The following GRK1 variants were observed in gnomAD, a reference collection of about 807,000 sequenced individuals.
GRK1 encodes the protein rhodopsin kinase GRK1.
In GRK1, 28 loss-of-function variants were observed where a neutral mutation model predicts 41.7. The ratio of observed to expected loss-of-function variants is 0.67; its 90% CI spans 0.50 to 0.92. The LOEUF is 0.92. GRK1 is among the 40% of genes least tolerant of loss of function. The pLI is 0.00. For missense variants in GRK1, 703 were observed against 671.2 expected (o/e 1.05, Z -0.52); for synonymous variants, 327 against 286.7 (o/e 1.14, Z -1.42).
Position 113,731,730 on chromosome 13 carries a change from G to A in GRK1, c.1194+387G>A, listed in dbSNP as rs1012139068. On this transcript the variant is annotated intron_variant, in intron 5 of 6. Coordinates refer to ENST00000335678, the MANE Select transcript of GRK1 (RefSeq NM_002929.3). The surrounding 1 kb of genome is among the most constrained non-coding windows in gnomAD (Gnocchi z 5.6). Reference sequence around the variant, plus strand: ...CTGTTGCCCCAGACCCTGGGCAGTGGGACAAACCACCTTTTGTGGTTTGGG... The same window carrying A: ...CTGTTGCCCCAGACCCTGGGCAGTGAGACAAACCACCTTTTGTGGTTTGGG... 8.5e-5 allele frequency among the ~76,000 whole-genome samples: 13 copies of A among 152,156 alleles called. No individual in the cohort carries two copies. Among genetic ancestry groups the A allele is most frequent in the Admixed American group, 5.9e-4 (9 of 15,286 alleles).
At position 113,735,277 on chromosome 13, in the gene GRK1, TCGGA is replaced by T. The variant is rs756235051; in HGVS notation, c.1610_1613del (p.Asp537ValfsTer7). The T allele has an allele frequency of 3.5e-4, 534 of 1,536,372 alleles. 1 individual carries two copies. Among genetic ancestry groups the T allele is most frequent in the South Asian group, 1.4e-3 (119 of 84,042 alleles). ...CTTTGGCGAGCTGAACGTGTGGCGCTCGGACGGTCAGATGCCGGACGACATGAAG... is the reference window on the plus strand; with the variant it reads ...CTTTGGCGAGCTGAACGTGTGGCGCTCGGTCAGATGCCGGACGACATGAAG... On this transcript the variant is annotated frameshift_variant, in exon 7 of 7. Coordinates refer to ENST00000335678, the MANE Select transcript of GRK1 (RefSeq NM_002929.3). LOFTEE classifies it low-confidence loss of function (END_TRUNC).
chr13:113,648,668 T>A, the GRK1 span: 1 of 152,238 alleles, frequency 6.6e-6, no homozygotes, highest in Non-Finnish European at 1.5e-5. Context: ...TAACTGGGTT[T>A]TAAACCATCA....
Position 113,731,108 on chromosome 13 carries a change from G to C in GRK1, c.1070-111G>C, listed in dbSNP as rs2049933422. 2 of 1,433,768 alleles carry C rather than the reference G, an allele frequency of 1.4e-6. No homozygotes were observed. Among genetic ancestry groups the C allele is most frequent in the Non-Finnish European group, 1.9e-6 (2 of 1,079,004 alleles). 88.8% of individuals were successfully genotyped at this position (1,433,768 alleles called of 1,614,324 possible). On this transcript the variant is annotated intron_variant, in intron 4 of 6. Coordinates refer to ENST00000335678, the MANE Select transcript of GRK1 (RefSeq NM_002929.3). This position sits in a 1 kb window ranked among gnomAD's most constrained non-coding sequence, Gnocchi z 5.6. Reference sequence around the variant, plus strand: ...TTTTCTGGCCCCAAATGTGGAGAGTGCTGAGGCCCCGGGGGGGATGCATCC... The same window carrying C: ...TTTTCTGGCCCCAAATGTGGAGAGTCCTGAGGCCCCGGGGGGGATGCATCC...
In GRK1 at chr13:113,734,857, C is replaced by T. The variant is rs533547152; in HGVS notation, c.1397-211C>T. 6.2e-5 allele frequency: 27 copies of T among 434,746 alleles called. No homozygotes were observed. The South Asian group carries it at 1.8e-3, about 29-fold the overall frequency. 26.9% of individuals were successfully genotyped at this position (434,746 alleles called of 1,614,324 possible). A position where few individuals can be genotyped will look rare whatever the true frequency, so the allele number is the denominator to read the frequency against. On this transcript the variant is annotated intron_variant, in intron 6 of 6. Coordinates refer to ENST00000335678, the MANE Select transcript of GRK1 (RefSeq NM_002929.3). The stretch of plus-strand genomic sequence containing the variant: ...TGGGATCTCAGGCTTCTTCCGGCCC[C>T]ACTCAAGCCCCAGCTGTGTGGTCTC...
the GRK1 span, chr13:113,651,840 C>T: frequency 7.6e-7 from 1 of 1,315,106 alleles, no homozygotes; most frequent in East Asian, 2.6e-5. Flanking sequence ...GCTTTCTGAC[C>T]AGGACTGAGA....
At chr13:113,657,940 G>A in the GRK1 span, 6 of 1,045,040 alleles carry the variant, frequency 5.7e-6, no homozygotes, top group African/African-American at 1.6e-5. Context: ...ACTGTCAGGG[G>A]CCCTCTGCTC....
At chr13:113,733,728 C>CGTGTGTGT (rs1566699805) in intron 6 of GRK1, among the ~76,000 whole-genome samples, 3 of 85,348 alleles carry the variant, frequency 3.5e-5, no homozygotes, top group African/African-American at 1.5e-4. Flanking sequence ...TGTGTGTGCG[C>CGTGTGTGT]GCGTGTGTAT....
rs565706045 is a variant in GRK1, at chr13:113,734,048, A to G, written c.1396+963A>G. Among the ~76,000 whole-genome samples, 19 of 137,170 alleles carry G rather than the reference A, an allele frequency of 1.4e-4. No homozygotes were observed. The South Asian group carries it at 1.6e-3, about 11-fold the overall frequency. 90.0% of individuals were successfully genotyped at this position (137,170 alleles called of 152,430 possible). On this transcript the variant is annotated intron_variant, in intron 6 of 6. Coordinates refer to ENST00000335678, the MANE Select transcript of GRK1 (RefSeq NM_002929.3). ...CGTGCGTGTGCGTATGTGTGTGTGC[A>G]TACGTGTGTGTGCATGTGTGTGCGT...
intron 3 of GRK1, among the ~76,000 whole-genome samples, chr13:113,672,142 ACT>A (rs1235546034): frequency 6.6e-6 from 1 of 151,798 alleles, no homozygotes; most frequent in Non-Finnish European, 1.5e-5. Flanking sequence ...CCAGGGAGCC[ACT>A]GTCAGTGTGC....
upstream of GRK1, among the ~76,000 whole-genome samples, chr13:113,666,802 A>G (rs756802885): frequency 9.2e-5 from 14 of 152,220 alleles, no homozygotes; most frequent in Admixed American, 8.5e-4. Context: ...AATTCCTATT[A>G]TCAGGTGGTT....
In GRK1 at chr13:113,731,176, T is replaced by C. The variant is rs1036427304; in HGVS notation, c.1070-43T>C. 2.6e-6 allele frequency: 4 copies of C among 1,530,604 alleles called. No homozygotes were observed. The highest frequency in any genetic ancestry group is 1.2e-5 in the South Asian group (1 of 83,618). The allele number at this position is 1,530,604 out of a possible 1,614,324, so 94.8% of individuals were successfully genotyped here. A position where few individuals can be genotyped will look rare whatever the true frequency, so the allele number is the denominator to read the frequency against. The stretch of plus-strand genomic sequence containing the variant: ...CGATTCCTGGAGTGCGTGCCCACCA[T>C]GGAGGTGACCACCTCTGAACCCGCA... On this transcript the variant is annotated intron_variant, in intron 4 of 6. Coordinates refer to ENST00000335678, the MANE Select transcript of GRK1 (RefSeq NM_002929.3). The surrounding 1 kb of genome is among the most constrained non-coding windows in gnomAD (Gnocchi z 5.6).
the GRK1 span, among the ~76,000 whole-genome samples, chr13:113,657,218 C>T: frequency 4.6e-5 from 7 of 152,226 alleles, no homozygotes; most frequent in South Asian, 4.1e-4. Flanking sequence ...CCCCCAGAGC[C>T]GGGCACCGTG....
At chr13:113,653,061 C>T in the GRK1 span, 1 of 1,610,144 alleles carries the variant, frequency 6.2e-7, no homozygotes, top group Non-Finnish European at 8.5e-7. Flanking sequence ...TCCTGGGCTG[C>T]TGGAGAGTAG....
At chr13:113,724,784 T>C (rs1164484452) in intron 4 of GRK1, among the ~76,000 whole-genome samples, 6 of 152,192 alleles carry the variant, frequency 3.9e-5, no homozygotes, top group African/African-American at 1.4e-4. Flanking sequence ...TCCAAGCCTC[T>C]TTCTGGGTGG....
chr13:113,657,332 G>A, the GRK1 span, among the ~76,000 whole-genome samples: 69 of 152,344 alleles, frequency 4.5e-4, no homozygotes, highest in South Asian at 9.1e-3. Flanking sequence ...AGGTGGGGGC[G>A]CACAGGTGCT....
chr13:113,733,795 ATG>A (rs1321474761), intron 6 of GRK1, among the ~76,000 whole-genome samples: 2 of 47,620 alleles, frequency 4.2e-5, no homozygotes, highest in South Asian at 1.2e-3. Flanking sequence ...GCATGTGTGT[ATG>A]TGTATCTGTG....
the GRK1 span, among the ~76,000 whole-genome samples, chr13:113,657,399 C>G: frequency 1.3e-5 from 2 of 152,248 alleles, no homozygotes; most frequent in African/African-American, 2.4e-5. Flanking sequence ...TGTGGCAGCC[C>G]TGATGTAGAC....
At chr13:113,672,127 G>A (rs908957013) in intron 3 of GRK1, among the ~76,000 whole-genome samples, 7 of 152,048 alleles carry the variant, frequency 4.6e-5, no homozygotes, top group Admixed American at 3.9e-4. Flanking sequence ...GCCCTCCACC[G>A]TCAGCCAGGG....
chr13:113,727,607 TACCCATGGCGATGAGG>T (rs1566696523), intron 4 of GRK1, among the ~76,000 whole-genome samples: 7 of 135,838 alleles, frequency 5.2e-5, no homozygotes, highest in Non-Finnish European at 6.3e-5. Flanking sequence ...CAATGAGGAG[TACCCATGGCGATGAGG>T]ACCCATGGCG....
Sources: allele counts gnomAD v4.1 joint callset (sites outside exome capture counted in the v4.1 genomes callset), GRCh38; gene constraint gnomAD v4.1.1; non-coding constraint Gnocchi (gnomAD v3.1); transcripts MANE v1.5; gene names NCBI Gene and HGNC (gene_info 2026-07-23, HGNC 2026-07-21).